FASTK: variants seen among roughly 807,000 people sequenced by gnomAD.
The protein encoded by FASTK is fas-activated serine/threonine kinase.
A neutral mutation model predicts 60.0 loss-of-function variants in FASTK; 28 were observed. The observed-to-expected ratio is 0.47, with a 90% confidence interval of 0.35 to 0.64. The LOEUF is 0.64. Among genes scored for constraint, FASTK ranks in the 30% least tolerant of loss-of-function variants. The pLI, the probability that FASTK is intolerant of heterozygous loss-of-function variation, is 0.01. For synonymous variants in FASTK, 325 were observed against 307.9 expected, an observed-to-expected ratio of 1.06 and a Z score of -0.58; for missense variants, 595 against 713.8, an observed-to-expected ratio of 0.83 and a Z score of 1.90.
Position 151,078,642 on chromosome 7 carries a change from G to A in FASTK, c.745C>T (p.Arg249Trp), listed in dbSNP as rs1247251202. The A allele has an allele frequency of 6.2e-7, 1 of 1,613,292 alleles. No homozygotes were observed. Residue 249 changes from arginine to tryptophan, a missense_variant, in exon 4 of 10, where the codon CGG becomes TGG. Arg to Trp is a moderately radical substitution (Grantham distance 101). Around this residue, in one of 2 missense-constraint regions of FASTK, gnomAD observed 471 missense variants for 605.9 expected, o/e 0.78. Transcript: ENST00000297532. ...VMVLLAQHLARHRLREPQLLE... is the reference protein window; with the variant it reads ...VMVLLAQHLAWHRLREPQLLE... ...AGCTGGGGCTCCCGCAACCGGTGCC[G>A]GGCCAGGTGCTGGGCCAGGAGCACC...
chr7:151,080,368 G>T, intron 1 of FASTK: 2 of 833,808 alleles, frequency 2.4e-6, no homozygotes, highest in Non-Finnish European at 3.2e-6. Context: ...GGCGGCGGCG[G>T]CACAGAGGGT....
At chr7:151,080,316 C>T (rs1797918627) in intron 1 of FASTK, 2 of 451,120 alleles carry the variant, frequency 4.4e-6, no homozygotes, top group Admixed American at 9.1e-5. Flanking sequence ...GCCCAGGCGG[C>T]ACCGGCGTGC....
chr7:151,077,083 C>T lies in FASTK; in HGVS notation c.1427+18G>A, dbSNP rs532948471. ...GGCGGGCAAGGTGGCCAGGGCTCCC[C>T]CACCCTGCCTCCTTTACCTCTGGGC... On this transcript the variant is annotated intron_variant, in intron 8 of 9. Coordinates refer to ENST00000297532, the MANE Select transcript of FASTK (RefSeq NM_006712.5). 5 of 1,606,998 alleles carry T rather than the reference C, an allele frequency of 3.1e-6. No individual in the cohort carries two copies. The highest frequency in any genetic ancestry group is 2.2e-5 in the East Asian group (1 of 44,716).
rs755794955 is a variant in FASTK, at chr7:151,076,916, C to T, written c.1539G>A (p.Leu513=). The change falls in exon 9 of 10, where the codon CTG becomes CTA. Residue 513 remains leucine (L), a synonymous_variant. Transcript: ENST00000297532. ...RHLGLMGYQL[L]PLPFEELESQ... is the part of the protein sequence containing the mutation. Reference sequence around the variant, plus strand: ...GGGCCAGGCCAGGGCCACTCACCGGCAGGAGCTGGTAGCCCATCAGGCCTA... The same window carrying T: ...GGGCCAGGCCAGGGCCACTCACCGGTAGGAGCTGGTAGCCCATCAGGCCTA... The T allele has an allele frequency of 2.5e-6, 4 of 1,605,336 alleles. No homozygotes were observed. Among genetic ancestry groups the T allele is most frequent in the East Asian group, 2.2e-5 (1 of 44,560 alleles).
chr7:151,079,167 C>T, intron 2 of FASTK, 146 bp from the exon 3 acceptor site: 1 of 697,066 alleles, frequency 1.4e-6, no homozygotes, highest in South Asian at 2.4e-5. Flanking sequence ...ACACTAGAGA[C>T]ATGTAAAGTA....
intron 2 of FASTK, 166 bp downstream of exon 2, chr7:151,079,334 G>A (rs1456886051): frequency 1.4e-6 from 1 of 699,040 alleles, no homozygotes; most frequent in Non-Finnish European, 2.3e-6. Context: ...GCCGGAAGGA[G>A]TGCGTTCGAC....
chr7:151,080,475 A>G lies in FASTK; in HGVS notation c.82+210T>C, dbSNP rs1344096153. The G allele has an allele frequency of 4.7e-6, 6 of 1,279,242 alleles. No homozygotes were observed. In the African/African-American group the frequency reaches 9.3e-5, roughly 20 times the overall value. The allele number at this position is 1,279,242 out of a possible 1,614,324, so 79.2% of individuals were successfully genotyped here. On this transcript the variant is annotated intron_variant, in intron 1 of 9. Coordinates refer to ENST00000297532, the MANE Select transcript of FASTK (RefSeq NM_006712.5). Reference sequence around the variant, plus strand: ...TTGGACAAGTGGCTTCGTCTCTCTAAGTCTCCTCACCCGTGAAATGAAAAC... The same window carrying G: ...TTGGACAAGTGGCTTCGTCTCTCTAGGTCTCCTCACCCGTGAAATGAAAAC...
Position 151,078,848 on chromosome 7 carries a change from GGCT to G in FASTK, c.676_678del (p.Ser226del), listed in dbSNP as rs759550326. The G allele has an allele frequency of 4.4e-6, 7 of 1,608,344 alleles. No individual in the cohort carries two copies. The highest frequency in any genetic ancestry group is 5.9e-6 in the Non-Finnish European group (7 of 1,178,264). Reference sequence around the variant, plus strand: ...TTTTAACCCCCTCCAGCACCTGCCAGGCTGCTGATCAGATGCTGCCGTGGATAC... The same window carrying G: ...TTTTAACCCCCTCCAGCACCTGCCAGGCTGATCAGATGCTGCCGTGGATAC... On this transcript the variant is annotated inframe_deletion, in exon 3 of 10. Coordinates refer to ENST00000297532, the MANE Select transcript of FASTK (RefSeq NM_006712.5).
In FASTK at chr7:151,077,242, G is replaced by C; in HGVS notation, c.1292-6C>G. On this transcript the variant is annotated splice_polypyrimidine_tract_variant and splice_region_variant and intron_variant, in intron 7 of 9. Transcript: ENST00000297532. ...GCTGGCGCACAGCAGGAAGTCTGGA[G>C]GGGAGCAGGGCCGGCGGCCTTAGCC... The C allele has an allele frequency of 1.2e-6, 2 of 1,612,498 alleles. No homozygotes were observed. The highest frequency in any genetic ancestry group is 3.3e-4 in the Middle Eastern group (2 of 6,056).
chr7:151,077,778 T>C lies in FASTK; in HGVS notation c.1042A>G (p.Thr348Ala), dbSNP rs766392380. Residue 348 changes from threonine (T) to alanine (A), a missense_variant and splice_region_variant, in exon 6 of 10, where the codon ACC becomes GCC. By Grantham distance (58) the Thr-to-Ala change is moderately conservative. Coordinates refer to ENST00000297532, the MANE Select transcript of FASTK (RefSeq NM_006712.5). Reference sequence around the variant, plus strand: ...CGACGCACAATCAGAGCATGAGGGGTGCCTGTGGGGAGGCGGGGACTGGGG... The same window carrying C: ...CGACGCACAATCAGAGCATGAGGGGCGCCTGTGGGGAGGCGGGGACTGGGG... ...SPGFINYISG[T>A]PHALIVRRYL... The C allele has an allele frequency of 3.1e-6, 5 of 1,595,160 alleles. No individual in the cohort carries two copies. The South Asian group carries it at 4.4e-5, about 14-fold the overall frequency.
chr7:151,078,158 G>A, intron 4 of FASTK, 66 bp from the exon 5 acceptor site: 1 of 1,259,422 alleles, frequency 7.9e-7, no homozygotes, highest in East Asian at 2.3e-5. Flanking sequence ...TACAAGCTAA[G>A]CCTTAGAGAG....
rs761556352 is a variant in FASTK at position 151,076,774 on chromosome 7, C to T, written c.1601G>A (p.Arg534Lys). 6.2e-7 allele frequency: 1 copy of T among 1,612,062 alleles called. No homozygotes were observed. The highest frequency in any genetic ancestry group is 8.5e-7 in the Non-Finnish European group (1 of 1,179,312). ...RGLPQLKSYL[R>K]QKLQALGLRW... ...CAGGCCCAGGGCCTGGAGCTTCTGCCTCAGGTAGCTCTTGAGCTGGGGCAG... is the reference window on the plus strand; with the variant it reads ...CAGGCCCAGGGCCTGGAGCTTCTGCTTCAGGTAGCTCTTGAGCTGGGGCAG... The change falls in exon 10 of 10, where the codon AGG becomes AAG. Residue 534 changes from arginine (R) to lysine (K), a missense_variant. Arg to Lys is a conservative substitution (Grantham distance 26). This residue lies in a region of FASTK where 471 missense variants were observed against 605.9 expected (regional missense o/e 0.78). Transcript: ENST00000297532.
intron 2 of FASTK, 131 bp downstream of exon 2, chr7:151,079,369 G>C (rs1376203665): frequency 2.3e-6 from 2 of 880,160 alleles, no homozygotes; most frequent in East Asian, 2.7e-5. Flanking sequence ...GCAGACATAG[G>C]ACGGGAGCAG....
At position 151,078,633 on chromosome 7, in the gene FASTK, A is replaced by ACCGGTG; in HGVS notation, c.748_753dup (p.His250_Arg251dup). On this transcript the variant is annotated inframe_insertion, in exon 4 of 10. Coordinates refer to ENST00000297532, the MANE Select transcript of FASTK (RefSeq NM_006712.5). The stretch of plus-strand genomic sequence containing the variant: ...GCTTCCAGAAGCTGGGGCTCCCGCA[A>ACCGGTG]CCGGTGCCGGGCCAGGTGCTGGGCC... 6.2e-7 allele frequency: 1 copy of ACCGGTG among 1,613,434 alleles called. No individual in the cohort carries two copies. Among genetic ancestry groups the ACCGGTG allele is most frequent in the Non-Finnish European group, 8.5e-7 (1 of 1,179,988 alleles).
At chr7:151,078,161 T>TCTC in intron 4 of FASTK, 69 bp from the exon 5 acceptor site, 1 of 1,197,892 alleles carries the variant, frequency 8.3e-7, no homozygotes, top group Non-Finnish European at 1.2e-6. Context: ...AAGCTAAGCC[T>TCTC]TAGAGAGGCT....
At position 151,076,899 on chromosome 7, in the gene FASTK, C is replaced by CCAGGGCCACTCA. The variant is rs1797682805; in HGVS notation, c.1542+2_1542+13dup. The CCAGGGCCACTCA allele has an allele frequency of 6.2e-7, 1 of 1,602,706 alleles. No individual in the cohort carries two copies. Among genetic ancestry groups the CCAGGGCCACTCA allele is most frequent in the African/African-American group, 1.3e-5 (1 of 74,708 alleles). ...GAGTGAGGATGCGCCACGGGCCAGG[C>CCAGGGCCACTCA]CAGGGCCACTCACCGGCAGGAGCTG... On this transcript the variant is annotated intron_variant, in intron 9 of 9. Coordinates refer to ENST00000297532, the MANE Select transcript of FASTK (RefSeq NM_006712.5).
rs746068733 is a variant in FASTK, at chr7:151,078,109, G to A, written c.826-17C>T. The stretch of plus-strand genomic sequence containing the variant: ...CTGTACCACCTGTGGAGGAAGAGCA[G>A]TTCATTACCCAGTGTCAAGTATTTC... On this transcript the variant is annotated splice_polypyrimidine_tract_variant and intron_variant, in intron 4 of 9. Coordinates refer to ENST00000297532, the MANE Select transcript of FASTK (RefSeq NM_006712.5). 8 of 1,546,582 alleles carry A rather than the reference G, an allele frequency of 5.2e-6. No homozygotes were observed. The highest frequency in any genetic ancestry group is 4.4e-6 in the Non-Finnish European group (5 of 1,131,092).
chr7:151,076,961 C>T lies in FASTK; in HGVS notation c.1494G>A (p.Arg498=), dbSNP rs1797686675. The change falls in exon 9 of 10, where the codon AGG becomes AGA. Residue 498 remains arginine, a synonymous_variant. Coordinates refer to ENST00000297532, the MANE Select transcript of FASTK (RefSeq NM_006712.5). The part of the protein sequence containing the change: ...CRDGRVLLGS[R]ALRERHLGLM... The stretch of plus-strand genomic sequence containing the variant: ...GGCCTAGGTGCCGCTCCCTCAGGGC[C>T]CTCGAGCCCAGCAGCACCCGGCCGT... 1 of 1,612,210 alleles carries T rather than the reference C, an allele frequency of 6.2e-7. No individual in the cohort carries two copies. Among genetic ancestry groups the T allele is most frequent in the East Asian group, 2.2e-5 (1 of 44,860 alleles).
In FASTK at chr7:151,077,727, C is replaced by T. The variant is rs1257049539; in HGVS notation, c.1093G>A (p.Val365Met). The T allele has an allele frequency of 6.3e-6, 10 of 1,593,958 alleles. No homozygotes were observed. The highest frequency in any genetic ancestry group is 1.7e-4 in the Middle Eastern group (1 of 5,972). ...RRYLSLLDTAVELELPGYRGP... is the reference protein window; with the variant it reads ...RRYLSLLDTAMELELPGYRGP... ...CGGTATCCTGGGAGCTCCAGCTCCA[C>T]GGCCGTGTCCAGCAGGGAGAGGTAG... Residue 365 changes from valine to methionine, a missense_variant, in exon 6 of 10, where the codon GTG becomes ATG. Val to Met is a conservative substitution (Grantham distance 21). Coordinates refer to ENST00000297532, the MANE Select transcript of FASTK (RefSeq NM_006712.5).
Sources: allele counts gnomAD v4.1 joint callset, GRCh38; gene constraint gnomAD v4.1.1; regional missense constraint gnomAD v4.1.1; transcripts MANE v1.5; gene names NCBI Gene and HGNC (gene_info 2026-07-23, HGNC 2026-07-21).